Variants in ZNF521 observed in about 807,000 individuals in gnomAD.
ZNF521 encodes LYST-interacting protein 3.
Under a neutral mutation model 105.5 loss-of-function variants are expected in ZNF521, and 14 were observed. The ratio of observed to expected loss-of-function variants is 0.13; its 90% CI spans 0.09 to 0.21. The LOEUF is 0.21. Ranked by LOEUF, ZNF521 falls within the 10% of genes least tolerant of loss-of-function variation. The probability of loss-of-function intolerance (pLI) is 1.00; values close to 1 mark genes in which losing one functional copy is unlikely to be tolerated. For synonymous variants in ZNF521, 635 were observed against 606.0 expected, an observed-to-expected ratio of 1.05 and a Z score of -0.70; for missense variants, 1,233 against 1,629.7, an observed-to-expected ratio of 0.76 and a Z score of 4.19.
intron 5 of ZNF521, among the ~76,000 whole-genome samples, chr18:25,191,317 G>C (rs547176261): frequency 6.6e-6 from 1 of 152,244 alleles, no homozygotes; most frequent in Admixed American, 6.5e-5. Flanking sequence ...AATGGCCACA[G>C]CTATATCCTG....
intron 3 of ZNF521, among the ~76,000 whole-genome samples, chr18:25,319,623 G>A (rs1912831180): frequency 1.3e-5 from 2 of 151,514 alleles, no homozygotes; most frequent in Admixed American, 1.3e-4. Context: ...AGAAACAGTG[G>A]GTAAACATTT....
intron 1 of ZNF521, 56 bp downstream of exon 1, chr18:25,351,949 G>C: frequency 3.1e-6 from 1 of 326,512 alleles, no homozygotes; most frequent in Non-Finnish European, 6.3e-6. Flanking sequence ...GAGGAGGAGA[G>C]CCGGGAGCAG....
intron 5 of ZNF521, among the ~76,000 whole-genome samples, chr18:25,161,345 T>C (rs564762394): frequency 1.3e-5 from 2 of 152,104 alleles, no homozygotes; most frequent in South Asian, 2.1e-4. Flanking sequence ...GAAGTACATA[T>C]AGAAAATCTC....
intron 5 of ZNF521, among the ~76,000 whole-genome samples, chr18:25,102,436 C>T (rs544593900): frequency 6.6e-6 from 1 of 151,810 alleles, no homozygotes; most frequent in South Asian, 2.1e-4. Context: ...CACTGGAGCA[C>T]TGGATAAAAT....
intron 2 of ZNF521, among the ~76,000 whole-genome samples, chr18:25,343,269 CAAT>C (rs773139346): frequency 2.0e-5 from 3 of 152,122 alleles, no homozygotes; most frequent in East Asian, 1.9e-4. Context: ...TAATGAGACT[CAAT>C]GATACGCTGA....
intron 3 of ZNF521, among the ~76,000 whole-genome samples, chr18:25,296,255 A>C (rs996154495): frequency 1.4e-4 from 21 of 152,214 alleles, no homozygotes; most frequent in African/African-American, 4.8e-4. Context: ...CACTAGGTAC[A>C]AGAAAGTAAA....
intron 5 of ZNF521, among the ~76,000 whole-genome samples, chr18:25,110,715 T>C (rs1645138668): frequency 6.6e-6 from 1 of 151,864 alleles, no homozygotes; most frequent in African/African-American, 2.4e-5. Context: ...GTTTCAAATA[T>C]AGAAGCACTG....
At chr18:25,211,423 C>T (rs370634930) in intron 4 of ZNF521, among the ~76,000 whole-genome samples, 1 of 152,258 alleles carries the variant, frequency 6.6e-6, no homozygotes, top group Non-Finnish European at 1.5e-5. Context: ...CCTGCACAGC[C>T]TCCTATGCAG....
intron 5 of ZNF521, among the ~76,000 whole-genome samples, chr18:25,167,113 A>G (rs1275842474): frequency 1.3e-5 from 2 of 152,212 alleles, no homozygotes; most frequent in African/African-American, 4.8e-5. Flanking sequence ...AACCTAGTTC[A>G]TCTGAATGGG....
At position 25,227,858 on chromosome 18, in the gene ZNF521, G is replaced by T. The variant is rs1906277702; in HGVS notation, c.221-161C>A. Among the ~76,000 whole-genome samples the T allele has an allele frequency of 6.6e-6, 1 of 152,182 alleles. No homozygotes were observed. Among genetic ancestry groups the T allele is most frequent in the African/African-American group, 2.4e-5 (1 of 41,440 alleles). On this transcript the variant is annotated intron_variant, in intron 3 of 7. Transcript: ENST00000361524. The surrounding 1 kb of genome is among the most constrained non-coding windows in gnomAD (Gnocchi z 5.7). ...ATTTGAGTGAGACATTTTCAAATCT[G>T]AGCCCAAAGCAGTTATTCTGCATTT...
chr18:25,291,195 C>G (rs893864275), intron 3 of ZNF521, among the ~76,000 whole-genome samples: 1 of 152,170 alleles, frequency 6.6e-6, no homozygotes, highest in Non-Finnish European at 1.5e-5. Context: ...AAATTCTTCT[C>G]ATTGAAAATT....
At chr18:25,074,470 G>T (rs1351825692) in intron 7 of ZNF521, among the ~76,000 whole-genome samples, 1 of 151,988 alleles carries the variant, frequency 6.6e-6, no homozygotes, top group Non-Finnish European at 1.5e-5. Flanking sequence ...GTATGTTATT[G>T]TGTATTGTTG....
chr18:25,162,774 C>T (rs796629461), intron 5 of ZNF521, among the ~76,000 whole-genome samples: 13 of 152,260 alleles, frequency 8.5e-5, no homozygotes, highest in African/African-American at 2.6e-4. Flanking sequence ...AGGAAGTGAT[C>T]TCTGTGTCTG....
intron 4 of ZNF521, among the ~76,000 whole-genome samples, chr18:25,204,332 T>G (rs888127400): frequency 8.5e-5 from 13 of 152,152 alleles, no homozygotes; most frequent in African/African-American, 3.1e-4. Flanking sequence ...TCTTTAAATA[T>G]TAGATAAAAT....
intron 3 of ZNF521, among the ~76,000 whole-genome samples, chr18:25,309,665 G>C (rs1912187060): frequency 6.6e-6 from 1 of 152,028 alleles, no homozygotes; most frequent in African/African-American, 2.4e-5. Flanking sequence ...ATAAAATTAG[G>C]TATAAGAAAT....
In ZNF521 at chr18:25,226,806, A is replaced by G. The variant is rs371362522; in HGVS notation, c.1112T>C (p.Val371Ala). ...SNLSVDSSTM[V>A]EAAPPIPKSR... ...CTTTGGGATTGGCGGGGCAGCTTCC[A>G]CCATGGTTGAGCTGTCCACTGAGAG... is the stretch of plus-strand genomic sequence containing the variant. The change falls in exon 4 of 8, where the codon GTG (valine) becomes GCG (alanine). Residue 371 changes from valine to alanine, a missense_variant. Coordinates refer to ENST00000361524, the MANE Select transcript of ZNF521 (RefSeq NM_015461.3). The surrounding 1 kb of genome is among the most constrained non-coding windows in gnomAD (Gnocchi z 4.1). 6.2e-7 allele frequency: 1 copy of G among 1,613,374 alleles called. No homozygotes were observed. The highest frequency in any genetic ancestry group is 8.5e-7 in the Non-Finnish European group (1 of 1,179,824).
intron 3 of ZNF521, among the ~76,000 whole-genome samples, chr18:25,297,953 G>A (rs1911417401): frequency 6.6e-6 from 1 of 151,998 alleles, no homozygotes; most frequent in South Asian, 2.1e-4. Flanking sequence ...TTCACTAATT[G>A]AGACTCATTT....
chr18:25,254,969 T>A (rs567169544), intron 3 of ZNF521, among the ~76,000 whole-genome samples: 1 of 152,298 alleles, frequency 6.6e-6, no homozygotes, highest in South Asian at 2.1e-4. Context: ...ACAAATTTGC[T>A]ACATTGTGGA....
At chr18:25,117,174 G>A (rs1300335820) in intron 5 of ZNF521, among the ~76,000 whole-genome samples, 1 of 151,314 alleles carries the variant, frequency 6.6e-6, no homozygotes, top group Non-Finnish European at 1.5e-5. Context: ...TTTGTATACA[G>A]TATGTGTTTC....
Sources: gnomAD v4.1 joint callset for allele counts (sites outside exome capture counted in the v4.1 genomes callset) on GRCh38, gnomAD v4.1.1 for gene constraint, Gnocchi (gnomAD v3.1) non-coding constraint, MANE v1.5 for transcripts, NCBI Gene and HGNC (gene_info 2026-07-23, HGNC 2026-07-21) for gene names.